The following DIAPH3 variants were observed in gnomAD, a reference collection of about 807,000 sequenced individuals.
The protein encoded by DIAPH3 is protein diaphanous homolog 3.
DIAPH3 carries 117 observed loss-of-function variants against 144.3 expected under a neutral mutation model. The observed-to-expected ratio is 0.81, with a 90% CI of 0.70 to 0.95. DIAPH3 has a LOEUF of 0.95. DIAPH3 is among the 40% of genes least tolerant of loss of function. The pLI, the probability that DIAPH3 is intolerant of heterozygous loss-of-function variation, is 0.00. For missense variants in DIAPH3, 1,421 were observed against 1,412.7 expected (o/e 1.01, Z -0.09); for synonymous variants, 519 against 488.9 (o/e 1.06, Z -0.81).
intron 17 of DIAPH3, among the ~76,000 whole-genome samples, chr13:59,942,231 T>C (rs528511072): frequency 6.6e-6 from 1 of 152,316 alleles, no homozygotes; most frequent in South Asian, 2.1e-4. Flanking sequence ...GCTTTCTGAA[T>C]GGAGTTTATT....
At position 59,924,790 on chromosome 13, in the gene DIAPH3, T is replaced by A; in HGVS notation, c.2155A>T (p.Ile719Phe). Reference sequence around the variant, plus strand: ...TGATACTTACAAAGGTTCTGGGCAATTTTAGAATCTAAAAACTTAAGTTCT... The same window carrying A: ...TGATACTTACAAAGGTTCTGGGCAAATTTAGAATCTAAAAACTTAAGTTCT... ...IKELKFLDSK[I>F]AQNLSIFLSS... The change falls in exon 18 of 28, where the codon ATT (isoleucine) becomes TTT (phenylalanine). Residue 719 changes from isoleucine (I) to phenylalanine (F), a missense_variant. Physicochemically the swap from Ile to Phe is conservative, Grantham distance 21. Coordinates refer to ENST00000400324, the MANE Select transcript of DIAPH3 (RefSeq NM_001042517.2). The A allele has an allele frequency of 6.2e-7, 1 of 1,601,868 alleles. No homozygotes were observed. Among genetic ancestry groups the A allele is most frequent in the Non-Finnish European group, 8.5e-7 (1 of 1,171,582 alleles).
At chr13:60,077,324 C>G (rs2057411453) in intron 4 of DIAPH3, among the ~76,000 whole-genome samples, 1 of 151,866 alleles carries the variant, frequency 6.6e-6, no homozygotes, top group African/African-American at 2.4e-5. Flanking sequence ...CATAACCAGA[C>G]AAGAAGTATA....
chr13:60,163,011 C>A (rs1381968998), intron 1 of DIAPH3, among the ~76,000 whole-genome samples: 1 of 152,116 alleles, frequency 6.6e-6, no homozygotes, highest in East Asian at 1.9e-4. Context: ...AACGAAAAGA[C>A]AAGGTGTTAA....
chr13:59,709,977 C>T (rs1239384804), intron 27 of DIAPH3, among the ~76,000 whole-genome samples: 1 of 151,906 alleles, frequency 6.6e-6, no homozygotes, highest in Non-Finnish European at 1.5e-5. Context: ...TCATCATTCT[C>T]AGTAAACTAT....
At chr13:59,833,657 C>G in intron 23 of DIAPH3, among the ~76,000 whole-genome samples, 1 of 151,702 alleles carries the variant, frequency 6.6e-6, no homozygotes, top group Non-Finnish European at 1.5e-5. Flanking sequence ...GCATTAAACA[C>G]AACAGTTAAA....
At chr13:59,877,867 G>A (rs2044734184) in intron 21 of DIAPH3, among the ~76,000 whole-genome samples, 1 of 151,938 alleles carries the variant, frequency 6.6e-6, no homozygotes, top group Non-Finnish European at 1.5e-5. Context: ...GCTGACTCCT[G>A]CTTAGAACGC....
chr13:60,030,422 T>C (rs2054703764), intron 5 of DIAPH3, among the ~76,000 whole-genome samples: 1 of 152,124 alleles, frequency 6.6e-6, no homozygotes, highest in African/African-American at 2.4e-5. Flanking sequence ...TCATCTAGTA[T>C]TCCAAACAGA....
intron 24 of DIAPH3, among the ~76,000 whole-genome samples, chr13:59,824,467 C>A (rs534879294): frequency 6.6e-6 from 1 of 152,124 alleles, no homozygotes; most frequent in African/African-American, 2.4e-5. Flanking sequence ...CCCACTAGAA[C>A]GGCAAACAGC....
At chr13:59,771,150 G>C (rs530699728) in intron 27 of DIAPH3, among the ~76,000 whole-genome samples, 1 of 152,158 alleles carries the variant, frequency 6.6e-6, no homozygotes, top group South Asian at 2.1e-4. Flanking sequence ...TCTATTCTGA[G>C]AGAAAAGATG....
chr13:59,755,530 A>G (rs1042650798), intron 27 of DIAPH3, among the ~76,000 whole-genome samples: 2 of 152,122 alleles, frequency 1.3e-5, no homozygotes, highest in African/African-American at 4.8e-5. Flanking sequence ...AGAACCAAAA[A>G]CATACCACAC....
chr13:59,841,239 C>A (rs2139780323), intron 22 of DIAPH3, among the ~76,000 whole-genome samples: 1 of 152,166 alleles, frequency 6.6e-6, no homozygotes, highest in Admixed American at 6.6e-5. Context: ...AGAACTCTTA[C>A]AGGTGGTTCA....
At chr13:60,136,939 CAAAA>C (rs67539072) in intron 1 of DIAPH3, among the ~76,000 whole-genome samples, 22 of 148,682 alleles carry the variant, frequency 1.5e-4, no homozygotes, top group Non-Finnish European at 1.6e-4. Context: ...GACTCCGTCT[CAAAA>C]AAAAAAAAAA....
At chr13:60,088,572 T>C (rs1035823197) in intron 4 of DIAPH3, among the ~76,000 whole-genome samples, 1 of 152,108 alleles carries the variant, frequency 6.6e-6, no homozygotes, top group Non-Finnish European at 1.5e-5. Flanking sequence ...GAACGGCAAA[T>C]AGAAGACTCC....
rs1042069507 is a variant in DIAPH3, at chr13:59,958,811, T to G, written c.2074+11133A>C. ...AAAAATCTAGAAAGGCATTTTTGGC[T>G]GTGGTGACAAAAACATATGTTAATG... On this transcript the variant is annotated intron_variant, in intron 17 of 27. Transcript: ENST00000400324. 3.3e-5 allele frequency among the ~76,000 whole-genome samples: 5 copies of G among 151,650 alleles called. No individual in the cohort carries two copies. In the East Asian group the frequency reaches 9.7e-4, roughly 29 times the overall value.
intron 27 of DIAPH3, among the ~76,000 whole-genome samples, chr13:59,716,471 G>C (rs557497558): frequency 3.9e-5 from 6 of 152,220 alleles, no homozygotes; most frequent in African/African-American, 1.4e-4. Context: ...CACCGTGCCC[G>C]GCCCCAGGAA....
chr13:59,863,531 A>C (rs947678271), intron 21 of DIAPH3, among the ~76,000 whole-genome samples: 2 of 152,218 alleles, frequency 1.3e-5, no homozygotes, highest in Non-Finnish European at 2.9e-5. Context: ...TTTCCGTACC[A>C]TCAGACATAT....
intron 25 of DIAPH3, among the ~76,000 whole-genome samples, chr13:59,805,975 T>C (rs2040172703): frequency 6.6e-6 from 1 of 152,002 alleles, no homozygotes; most frequent in African/African-American, 2.4e-5. Context: ...GAATTTAATT[T>C]ACTGTGCTAC....
intron 21 of DIAPH3, among the ~76,000 whole-genome samples, chr13:59,874,567 C>A (rs1340691466): frequency 6.6e-6 from 1 of 152,152 alleles, no homozygotes; most frequent in Non-Finnish European, 1.5e-5. Flanking sequence ...CCCATAGCCC[C>A]ATTACCATGT....
intron 27 of DIAPH3, among the ~76,000 whole-genome samples, chr13:59,746,389 A>G (rs960462867): frequency 1.5e-5 from 2 of 132,182 alleles, no homozygotes; most frequent in Non-Finnish European, 3.2e-5. Flanking sequence ...ATACCCAGCT[A>G]ATTTTTTTTT....
Sources: allele counts gnomAD v4.1 joint callset (sites outside exome capture counted in the v4.1 genomes callset), GRCh38; gene constraint gnomAD v4.1.1; transcripts MANE v1.5; gene names NCBI Gene and HGNC (gene_info 2026-07-23, HGNC 2026-07-21).